The following VPS13C variants were observed in gnomAD, a reference collection of about 807,000 sequenced individuals.
The protein encoded by VPS13C is intermembrane lipid transfer protein VPS13C.
VPS13C carries 358 observed loss-of-function variants against 456.8 expected under a neutral mutation model. The observed-to-expected ratio is 0.78, with a 90% CI of 0.72 to 0.86. The LOEUF is 0.86. Among genes scored for constraint, VPS13C ranks in the 40% least tolerant of loss-of-function variants. VPS13C has a pLI of 0.00. For missense variants in VPS13C, 4,818 were observed against 4,385.4 expected, an observed-to-expected ratio of 1.10 and a Z score of -2.79; for synonymous variants, 1,578 against 1,486.7, an observed-to-expected ratio of 1.06 and a Z score of -1.41.
At chr15:61,987,773 G>A (rs191441391) in intron 18 of VPS13C, among the ~76,000 whole-genome samples, 4 of 152,272 alleles carry the variant, frequency 2.6e-5, no homozygotes, top group Non-Finnish European at 5.9e-5. Flanking sequence ...TGTAGCAACT[G>A]GAACCAGTAG....
intron 55 of VPS13C, 91 bp from the exon 56 acceptor site, chr15:61,920,738 C>T: frequency 8.5e-7 from 1 of 1,174,200 alleles, no homozygotes; most frequent in Non-Finnish European, 1.1e-6. Flanking sequence ...AAACTGATCA[C>T]TTTATAGTAA....
chr15:62,042,169 C>T (rs148367627), intron 2 of VPS13C, among the ~76,000 whole-genome samples: 34 of 152,188 alleles, frequency 2.2e-4, no homozygotes, highest in Non-Finnish European at 4.4e-4. Flanking sequence ...ATTAGTATTT[C>T]GTTTAGATAA....
At chr15:61,912,713 A>C (rs905447228) in intron 62 of VPS13C, among the ~76,000 whole-genome samples, 4 of 151,392 alleles carry the variant, frequency 2.6e-5, no homozygotes, top group African/African-American at 9.7e-5. Context: ...ACATATGTAT[A>C]CATGTACCAT....
chr15:61,947,597 G>T (rs2044650459), intron 42 of VPS13C, among the ~76,000 whole-genome samples: 1 of 151,686 alleles, frequency 6.6e-6, no homozygotes. Context: ...TTTTTTCTGG[G>T]AAAAAAGAAA....
rs1008639015 is a variant in VPS13C at position 61,881,643 on chromosome 15, G to C, written c.9707-11C>G. 6.2e-7 allele frequency: 1 copy of C among 1,611,084 alleles called. No individual in the cohort carries two copies. Among genetic ancestry groups the C allele is most frequent in the African/African-American group, 1.3e-5 (1 of 74,634 alleles). On this transcript the variant is annotated splice_polypyrimidine_tract_variant and intron_variant, in intron 70 of 84. Transcript: ENST00000644861. Reference sequence around the variant, plus strand: ...TGAAAGGCTTGGGCTCTAAGAGGAAGAAGTAACACATAAAAAAAAATAATG... The same window carrying C: ...TGAAAGGCTTGGGCTCTAAGAGGAACAAGTAACACATAAAAAAAAATAATG...
chr15:62,019,500 G>A (rs1254727435), intron 9 of VPS13C, among the ~76,000 whole-genome samples: 2 of 151,984 alleles, frequency 1.3e-5, no homozygotes, highest in East Asian at 1.9e-4. Flanking sequence ...CTTTGTTCTC[G>A]TTGGTTTCAA....
At chr15:61,981,567 A>G in intron 21 of VPS13C, 89 bp from the exon 22 acceptor site, 1 of 1,376,236 alleles carries the variant, frequency 7.3e-7, no homozygotes, top group East Asian at 2.7e-5. Flanking sequence ...GTTTTACTTG[A>G]AAAGTATTAC....
chr15:62,048,591 T>C (rs569889645), intron 1 of VPS13C, among the ~76,000 whole-genome samples: 1 of 152,324 alleles, frequency 6.6e-6, no homozygotes, highest in African/African-American at 2.4e-5. Context: ...TATAGCAGCA[T>C]GATTTATAAT....
intron 82 of VPS13C, among the ~76,000 whole-genome samples, chr15:61,861,147 G>A (rs1041289360): frequency 1.9e-4 from 29 of 151,658 alleles, no homozygotes; most frequent in African/African-American, 7.0e-4. Context: ...ATTTTTCGTA[G>A]AGATGAGGTT....
At chr15:61,924,322 T>C (rs1469612219) in intron 53 of VPS13C, among the ~76,000 whole-genome samples, 1 of 152,238 alleles carries the variant, frequency 6.6e-6, no homozygotes, top group Non-Finnish European at 1.5e-5. Context: ...CCTGATGTCC[T>C]GGTCTGAATT....
At chr15:62,026,685 A>C (rs148508537) in intron 6 of VPS13C, among the ~76,000 whole-genome samples, 1 of 152,198 alleles carries the variant, frequency 6.6e-6, no homozygotes, top group Non-Finnish European at 1.5e-5. Flanking sequence ...TTTTCCTTGA[A>C]ACAACCATCC....
At position 61,910,321 on chromosome 15, in the gene VPS13C, T is replaced by C. The variant is rs576672395; in HGVS notation, c.8716-16A>G. On this transcript the variant is annotated splice_polypyrimidine_tract_variant and intron_variant, in intron 63 of 84. Transcript: ENST00000644861. ...ATGGAAGGCACTAAAAATATAGAAG[T>C]TATTATCAGTCTTAAGACAATACCG... is the stretch of plus-strand genomic sequence containing the variant. 3.3e-6 allele frequency: 5 copies of C among 1,494,398 alleles called. No homozygotes were observed. In the South Asian group the frequency reaches 5.4e-5, roughly 16 times the overall value. 92.6% of individuals were successfully genotyped at this position (1,494,398 alleles called of 1,614,324 possible). A position where few individuals can be genotyped will look rare whatever the true frequency, so the allele number is the denominator to read the frequency against.
At chr15:61,877,881 T>C (rs1895569245) in intron 74 of VPS13C, among the ~76,000 whole-genome samples, 1 of 151,950 alleles carries the variant, frequency 6.6e-6, no homozygotes, top group Non-Finnish European at 1.5e-5. Flanking sequence ...CTCTGGCCAT[T>C]ATACCGTTAG....
At chr15:61,935,053 A>G (rs2044181305) in intron 48 of VPS13C, among the ~76,000 whole-genome samples, 1 of 152,100 alleles carries the variant, frequency 6.6e-6, no homozygotes, top group African/African-American at 2.4e-5. Flanking sequence ...ACCCAGCCTC[A>G]TTATCTTTAA....
At chr15:61,964,084 TCAAA>T (rs1007798501) in intron 31 of VPS13C, 133 bp from the exon 32 acceptor site, 8 of 534,830 alleles carry the variant, frequency 1.5e-5, no homozygotes, top group Non-Finnish European at 2.3e-5. Flanking sequence ...TCTTAAAGAT[TCAAA>T]CACTTTTTTT....
intron 69 of VPS13C, among the ~76,000 whole-genome samples, chr15:61,882,301 G>A (rs766814562): frequency 2.0e-5 from 3 of 152,050 alleles, no homozygotes; most frequent in Non-Finnish European, 2.9e-5. Context: ...CCTGAATGAC[G>A]ACAAAGGAAA....
At chr15:62,049,971 G>A (rs190513696) in intron 1 of VPS13C, among the ~76,000 whole-genome samples, 5 of 152,174 alleles carry the variant, frequency 3.3e-5, no homozygotes, top group Non-Finnish European at 7.3e-5. Flanking sequence ...AGACTTTGCT[G>A]AAGTTGCTTA....
intron 18 of VPS13C, among the ~76,000 whole-genome samples, chr15:61,989,552 T>C (rs2046161056): frequency 6.6e-6 from 1 of 151,950 alleles, no homozygotes; most frequent in Non-Finnish European, 1.5e-5. Flanking sequence ...AAAGAATTCC[T>C]ACAAACCAAT....
intron 45 of VPS13C, among the ~76,000 whole-genome samples, chr15:61,945,508 T>A (rs1047875334): frequency 2.0e-5 from 3 of 152,214 alleles, no homozygotes; most frequent in African/African-American, 7.2e-5. Context: ...TGTTATAGAA[T>A]TACAGTCTAT....
Sources: allele counts gnomAD v4.1 joint callset (sites outside exome capture counted in the v4.1 genomes callset), GRCh38; gene constraint gnomAD v4.1.1; transcripts MANE v1.5; gene names NCBI Gene and HGNC (gene_info 2026-07-23, HGNC 2026-07-21).